Variants in LAMB3 observed in about 807,000 individuals in gnomAD.
The protein encoded by LAMB3 is laminin subunit beta 3, also known as laminin subunit beta-3.
In LAMB3, 104 loss-of-function variants were observed where a neutral mutation model predicts 140.3. That is an observed-to-expected ratio of 0.74 (90% CI 0.63 to 0.87). The LOEUF (loss-of-function observed/expected upper bound fraction) is 0.87. LAMB3 is among the 40% of genes least tolerant of loss of function. The pLI, the probability that LAMB3 is intolerant of heterozygous loss-of-function variation, is 0.00. For missense variants in LAMB3, 1,531 were observed against 1,575.2 expected (o/e 0.97, Z 0.47); for synonymous variants, 592 against 602.9 (o/e 0.98, Z 0.26).
In LAMB3 at chr1:209,625,944, G is replaced by A. The variant is rs376183751; in HGVS notation, c.1680C>T (p.Thr560=). 47 of 1,613,644 alleles carry A rather than the reference G, an allele frequency of 2.9e-5. No individual in the cohort carries two copies. Among genetic ancestry groups the A allele is most frequent in the Admixed American group, 5.0e-5 (3 of 59,960 alleles). ...GCTGGCACTGGTCACAGCGGGGCCC[G>A]GTCAAGCCAGGGCGGCAGAGGCAGC... ...SGRCLCRPGL[T]GPRCDQCQRG... Residue 560 remains threonine, a synonymous_variant, in exon 14 of 23, where the codon ACC becomes ACT. Transcript: ENST00000356082.
chr1:209,617,824 C>A, intron 20 of LAMB3, 83 bp downstream of exon 20: 1 of 1,557,186 alleles, frequency 6.4e-7, no homozygotes, highest in South Asian at 1.1e-5. Flanking sequence ...TTTATCTAGT[C>A]ACTTTCTGGC....
chr1:209,622,418 G>A (rs1415200294), intron 18 of LAMB3, 118 bp downstream of exon 18: 8 of 1,218,670 alleles, frequency 6.6e-6, no homozygotes, highest in South Asian at 2.4e-5. Context: ...GAGAAGTGGA[G>A]GCCTGGATGT....
intron 2 of LAMB3, 41 bp from the exon 3 acceptor site, chr1:209,650,159 A>C (rs750424646): frequency 1.3e-6 from 2 of 1,587,216 alleles, no homozygotes; most frequent in Non-Finnish European, 1.7e-6. Flanking sequence ...TCCAGAAAAA[A>C]AGGGACCTCA....
chr1:209,623,809 C>T lies in LAMB3; in HGVS notation c.2137+31G>A. ...CATGCCCACCACGGCAGTGCCCATG[C>T]CCGGGGTTATCCGGGTGCCCCTCTC... On this transcript the variant is annotated intron_variant, in intron 15 of 22. Transcript: ENST00000356082. This position sits in a 1 kb window ranked among gnomAD's most constrained non-coding sequence, Gnocchi z 4.2. The T allele has an allele frequency of 6.2e-7, 1 of 1,614,114 alleles. No individual in the cohort carries two copies. Among genetic ancestry groups the T allele is most frequent in the South Asian group, 1.1e-5 (1 of 91,086 alleles).
chr1:209,617,501 A>T lies in LAMB3; in HGVS notation c.3137T>A (p.Leu1046His). Residue 1046 changes from leucine (L) to histidine (H), a missense_variant, in exon 21 of 23, where the codon CTC (leucine) becomes CAC (histidine). Leu to His is a moderately conservative substitution (Grantham distance 99, BLOSUM62 -3). Transcript: ENST00000356082. ...CCCCTGCTGCCGGGCTTGGTGGCGG[A>T]GCTCCTCCATCCGTGTCCAGAAGTC... ...LGDFWTRMEE[L>H]RHQARQQGAE... is the part of the protein sequence containing the mutation. 1 of 1,613,880 alleles carries T rather than the reference A, an allele frequency of 6.2e-7. No homozygotes were observed. The highest frequency in any genetic ancestry group is 8.5e-7 in the Non-Finnish European group (1 of 1,180,012).
intron 21 of LAMB3, among the ~76,000 whole-genome samples, chr1:209,617,039 C>T (rs771342919): frequency 4.5e-4 from 69 of 152,330 alleles, no homozygotes; most frequent in Admixed American, 8.5e-4. Context: ...TTCTGACAAT[C>T]ATGGAGCCCA....
intron 1 of LAMB3, chr1:209,651,325 A>C (rs1377959971): frequency 2.7e-5 from 8 of 293,748 alleles, no homozygotes; most frequent in Non-Finnish European, 5.4e-5. Flanking sequence ...GACCCTTTGC[A>C]GGAGAAAAGC....
At chr1:209,627,321 G>A (rs1266663136) in intron 12 of LAMB3, 62 bp downstream of exon 12, 2 of 1,360,446 alleles carry the variant, frequency 1.5e-6, no homozygotes, top group Non-Finnish European at 2.1e-6. Flanking sequence ...GGGCAGCAGA[G>A]AGGCTGGTGC....
At chr1:209,635,088 T>C (rs992245479) in intron 5 of LAMB3, among the ~76,000 whole-genome samples, 3 of 152,156 alleles carry the variant, frequency 2.0e-5, no homozygotes, top group African/African-American at 4.8e-5. Context: ...TCAGTCTGCA[T>C]TGATCTCATG....
chr1:209,638,709 G>A (rs35382043), intron 3 of LAMB3, 61 bp from the exon 4 acceptor site: 12,202 of 1,049,914 alleles, frequency 0.012, 231 homozygotes, highest in Admixed American at 0.059. Flanking sequence ...TCCCCCTTGC[G>A]TCCTGAGATC....
At chr1:209,642,322 T>C (rs1003805355) in intron 3 of LAMB3, among the ~76,000 whole-genome samples, 1 of 152,240 alleles carries the variant, frequency 6.6e-6, no homozygotes, top group Non-Finnish European at 1.5e-5. Context: ...ACCAATATAT[T>C]AAGTGAAAAC....
intron 8 of LAMB3, among the ~76,000 whole-genome samples, 197 bp from the exon 9 acceptor site, chr1:209,630,932 AG>A (rs1445397201): frequency 6.6e-6 from 1 of 152,124 alleles, no homozygotes; most frequent in African/African-American, 2.4e-5. Flanking sequence ...TGCACATATG[AG>A]CATGTGTGTG....
rs2076551464 is a variant in LAMB3 at position 209,650,026 on chromosome 1, G to A, written c.121C>T (p.Leu41Phe). The A allele has an allele frequency of 6.2e-7, 1 of 1,614,212 alleles. No homozygotes were observed. The highest frequency in any genetic ancestry group is 2.2e-5 in the East Asian group (1 of 44,866). The change falls in exon 3 of 23, where the codon CTC (leucine) becomes TTC (phenylalanine). Residue 41 changes from leucine to phenylalanine, a missense_variant. Leu to Phe is a conservative substitution (Grantham distance 22). Coordinates refer to ENST00000356082, the MANE Select transcript of LAMB3 (RefSeq NM_000228.3). ...GDLLVGRTRF[L>F]RASSTCGLTK... ...AGTCCACAGGTAGATGAAGCTCGGAGAAACCGGGTCCTCCCAACAAGCAGG... is the reference window on the plus strand; with the variant it reads ...AGTCCACAGGTAGATGAAGCTCGGAAAAACCGGGTCCTCCCAACAAGCAGG...
rs546691375 is a variant in LAMB3 at position 209,631,627 on chromosome 1, C to T, written c.823-892G>A. On this transcript the variant is annotated intron_variant, in intron 8 of 22. Transcript: ENST00000356082. ...GTGGCACCTTTTAAAAGTGGTGATT[C>T]CACTGCATGGCCAGATTTGAGGACC... is the stretch of plus-strand genomic sequence containing the variant. Among the ~76,000 whole-genome samples the T allele has an allele frequency of 2.6e-5, 4 of 152,280 alleles. No homozygotes were observed. In the East Asian group the frequency reaches 5.8e-4, roughly 22 times the overall value.
Position 209,634,490 on chromosome 1 carries a change from T to A in LAMB3, c.521A>T (p.Gln174Leu), listed in dbSNP as rs776028142. 6 of 1,613,984 alleles carry A rather than the reference T, an allele frequency of 3.7e-6. No individual in the cohort carries two copies. Among genetic ancestry groups the A allele is most frequent in the Non-Finnish European group, 5.1e-6 (6 of 1,180,020 alleles). Residue 174 changes from glutamine (Q) to leucine (L), a missense_variant, in exon 6 of 23, where the codon CAG (glutamine) becomes CTG (leucine). Gln to Leu is a moderately radical substitution (Grantham distance 113). Transcript: ENST00000356082. ...RPQSWQDVRCQSLPQRPNARL... is the reference protein window; with the variant it reads ...RPQSWQDVRCLSLPQRPNARL... The stretch of plus-strand genomic sequence containing the variant: ...TGCATTAGGCCTCTGAGGCAGGGAC[T>A]GGCACCGAACATCCTGCCAGCTCTG...
In LAMB3 at chr1:209,626,993, C is replaced by A; in HGVS notation, c.1486-15G>T. ...TGCCCTGTGAACTGCGTGGGGAGAG[C>A]ACCGTCAGTGGACCCTGCCTCACAG... is the stretch of plus-strand genomic sequence containing the variant. On this transcript the variant is annotated splice_polypyrimidine_tract_variant and intron_variant, in intron 12 of 22. Transcript: ENST00000356082. 6.4e-7 allele frequency: 1 copy of A among 1,570,076 alleles called. No individual in the cohort carries two copies. The highest frequency in any genetic ancestry group is 8.8e-7 in the Non-Finnish European group (1 of 1,142,692).
chr1:209,619,381 C>T (rs933307924), intron 18 of LAMB3, among the ~76,000 whole-genome samples: 27 of 152,202 alleles, frequency 1.8e-4, no homozygotes, highest in Admixed American at 1.8e-3. Context: ...CCCCAGACCC[C>T]AGCACAGTGC....
chr1:209,649,913 C>T lies in LAMB3; in HGVS notation c.183+51G>A, dbSNP rs761903298. On this transcript the variant is annotated intron_variant, in intron 3 of 22. Transcript: ENST00000356082. ...AGTATTCAGTGGACAAATGGCAGCT[C>T]ACACACCCCTCCCATCCCGCCTTCC... 7.5e-6 allele frequency: 12 copies of T among 1,600,986 alleles called. No individual in the cohort carries two copies. The East Asian group carries it at 2.0e-4, about 27-fold the overall frequency.
At position 209,623,405 on chromosome 1, in the gene LAMB3, CA is replaced by C. The variant is rs765470950; in HGVS notation, c.2358+99del. The C allele has an allele frequency of 8.0e-7, 1 of 1,249,202 alleles. No homozygotes were observed. Among genetic ancestry groups the C allele is most frequent in the South Asian group, 1.2e-5 (1 of 82,052 alleles). The allele number at this position is 1,249,202 out of a possible 1,614,324, so 77.4% of individuals were successfully genotyped here. On this transcript the variant is annotated intron_variant, in intron 16 of 22. Transcript: ENST00000356082. This position sits in a 1 kb window ranked among gnomAD's most constrained non-coding sequence, Gnocchi z 4.2. ...GATGGCTGGGGGAGTGGGGTTCTCA[CA>C]GGGGCAGATCTGCCCTAATAGGAAG...
Sources: allele counts gnomAD v4.1 joint callset (sites outside exome capture counted in the v4.1 genomes callset), GRCh38; gene constraint gnomAD v4.1.1; non-coding constraint Gnocchi (gnomAD v3.1); transcripts MANE v1.5; gene names NCBI Gene and HGNC (gene_info 2026-07-23, HGNC 2026-07-21).